DGKG: variants seen among roughly 807,000 people sequenced by gnomAD.
The protein encoded by DGKG is diacylglycerol kinase gamma.
A neutral mutation model predicts 105.3 loss-of-function variants in DGKG; 78 were observed. The ratio of observed to expected loss-of-function variants is 0.74; its 90% CI spans 0.62 to 0.89. DGKG has a LOEUF of 0.89. DGKG is among the 40% of genes least tolerant of loss of function. The pLI is 0.00. For missense variants in DGKG, 958 were observed against 1,020.1 expected (o/e 0.94, Z 0.83); for synonymous variants, 346 against 367.1 (o/e 0.94, Z 0.66).
chr3:186,188,183 A>T lies in DGKG; in HGVS notation c.2095+19T>A. 1.2e-6 allele frequency: 2 copies of T among 1,613,886 alleles called. No homozygotes were observed. The highest frequency in any genetic ancestry group is 1.7e-6 in the Non-Finnish European group (2 of 1,179,848). ...TACTGGGCATTGACCTAAAACAATT[A>T]TCCTCATTCCTGGCTTACCTTGAAC... On this transcript the variant is annotated intron_variant, in intron 22 of 24. Coordinates refer to ENST00000265022, the MANE Select transcript of DGKG (RefSeq NM_001346.3).
At chr3:186,232,430 T>A (rs1578699764) in intron 20 of DGKG, among the ~76,000 whole-genome samples, 1 of 152,352 alleles carries the variant, frequency 6.6e-6, no homozygotes, top group Admixed American at 6.5e-5. Flanking sequence ...TATGATTTTT[T>A]TTACAATGAG....
chr3:186,322,517 A>AC lies in DGKG; in HGVS notation c.-248-1811dup, dbSNP rs528417437. Reference sequence around the variant, plus strand: ...AGTGACAAAATAATCTGTACAGCAAACCCCCGTGACATGTGATTTACCCAT... The same window carrying AC: ...AGTGACAAAATAATCTGTACAGCAAACCCCCCGTGACATGTGATTTACCCAT... On this transcript the variant is annotated intron_variant, in intron 1 of 24. Transcript: ENST00000265022. 7.2e-5 allele frequency among the ~76,000 whole-genome samples: 11 copies of AC among 152,156 alleles called. No homozygotes were observed. In the South Asian group the frequency reaches 2.3e-3, roughly 32 times the overall value.
chr3:186,349,077 A>T (rs998779549), intron 1 of DGKG, among the ~76,000 whole-genome samples: 32 of 147,152 alleles, frequency 2.2e-4, no homozygotes, highest in Non-Finnish European at 3.5e-4. Context: ...AAATTAAATT[A>T]AAAAAAAAAA....
intron 1 of DGKG, among the ~76,000 whole-genome samples, chr3:186,349,275 G>A (rs1278641029): frequency 6.6e-6 from 1 of 151,976 alleles, no homozygotes; most frequent in African/African-American, 2.4e-5. Flanking sequence ...TTGAATAATA[G>A]CCTCCGTTTT....
intron 1 of DGKG, among the ~76,000 whole-genome samples, chr3:186,351,334 G>C (rs1726619974): frequency 6.6e-6 from 1 of 152,056 alleles, no homozygotes; most frequent in Non-Finnish European, 1.5e-5. Context: ...AAATGTGTAG[G>C]CTTCATTTTC....
At chr3:186,263,099 C>T (rs1011468622) in intron 14 of DGKG, among the ~76,000 whole-genome samples, 3 of 151,354 alleles carry the variant, frequency 2.0e-5, no homozygotes, top group Admixed American at 1.3e-4. Context: ...CGCACTCCAG[C>T]CTGGGCGACA....
intron 2 of DGKG, among the ~76,000 whole-genome samples, chr3:186,315,842 T>C (rs1724792898): frequency 6.6e-6 from 1 of 152,160 alleles, no homozygotes; most frequent in Non-Finnish European, 1.5e-5. Flanking sequence ...TTCCTCTACT[T>C]CACTGAATGT....
At chr3:186,185,818 C>T (rs369303159) in intron 22 of DGKG, among the ~76,000 whole-genome samples, 8 of 152,016 alleles carry the variant, frequency 5.3e-5, no homozygotes, top group South Asian at 4.2e-4. Flanking sequence ...CAACAGAGGC[C>T]GGGCATGGTT....
chr3:186,280,911 G>A (rs886929598), intron 7 of DGKG, among the ~76,000 whole-genome samples, 167 bp from the exon 8 acceptor site: 2 of 152,096 alleles, frequency 1.3e-5, no homozygotes, highest in African/African-American at 2.4e-5. Flanking sequence ...TTTCTGTCTC[G>A]ACCACAAAGC....
In DGKG at chr3:186,147,878, C is replaced by T; in HGVS notation, c.*2212G>A. ...GTAGTAATTCTGGAGCTTGTTGGTC[C>T]CATCACCAAGAATACCATCATTAAA... is the stretch of plus-strand genomic sequence containing the variant. On this transcript the variant is annotated 3_prime_UTR_variant, in exon 25 of 25. Coordinates refer to ENST00000265022, the MANE Select transcript of DGKG (RefSeq NM_001346.3). 1 of 985,364 alleles carries T rather than the reference C, an allele frequency of 1.0e-6. No individual in the cohort carries two copies. Among genetic ancestry groups the T allele is most frequent in the Non-Finnish European group, 1.2e-6 (1 of 829,926 alleles). 61.0% of individuals were successfully genotyped at this position (985,364 alleles called of 1,614,324 possible).
chr3:186,242,671 G>A, intron 19 of DGKG, 103 bp from the exon 20 acceptor site: 5 of 957,424 alleles, frequency 5.2e-6, no homozygotes, highest in Non-Finnish European at 7.8e-6. Context: ...TGCCAACCCT[G>A]GGACTCTATC....
At chr3:186,189,478 T>G (rs1717802771) in intron 21 of DGKG, among the ~76,000 whole-genome samples, 1 of 152,216 alleles carries the variant, frequency 6.6e-6, no homozygotes, top group Non-Finnish European at 1.5e-5. Context: ...AGCTAAGTTA[T>G]CCAAGCTTGC....
chr3:186,248,999 G>A (rs960131219), intron 19 of DGKG, among the ~76,000 whole-genome samples: 4 of 152,166 alleles, frequency 2.6e-5, no homozygotes, highest in Admixed American at 2.6e-4. Context: ...GTAATGATGG[G>A]AAGCCCACGC....
intron 1 of DGKG, among the ~76,000 whole-genome samples, chr3:186,347,022 C>T (rs1340301609): frequency 6.6e-6 from 1 of 151,940 alleles, no homozygotes; most frequent in Admixed American, 6.6e-5. Context: ...TAATATCACC[C>T]TCCTTTCTTT....
intron 17 of DGKG, among the ~76,000 whole-genome samples, chr3:186,256,638 A>G (rs923905010): frequency 6.6e-5 from 10 of 152,290 alleles, no homozygotes; most frequent in African/African-American, 1.2e-4. Context: ...AGAATGCCCT[A>G]TATGTCCTAG....
Position 186,203,195 on chromosome 3 carries a change from C to T in DGKG, c.1917+8600G>A, listed in dbSNP as rs1252313255. The stretch of plus-strand genomic sequence containing the variant: ...ATTCTAAGCATTAGTGAAGGAAACT[C>T]GTAGTCAGTGCACGACTGAAAGAGA... On this transcript the variant is annotated intron_variant, in intron 21 of 24. Coordinates refer to ENST00000265022, the MANE Select transcript of DGKG (RefSeq NM_001346.3). The surrounding 1 kb of genome is among the most constrained non-coding windows in gnomAD (Gnocchi z 4.9). Among the ~76,000 whole-genome samples, 45 of 152,190 alleles carry T rather than the reference C, an allele frequency of 3.0e-4. 1 individual carries two copies. The highest frequency in any genetic ancestry group is 2.8e-3 in the Admixed American group (43 of 15,276).
At chr3:186,158,286 A>G in intron 24 of DGKG, 1 of 824,504 alleles carries the variant, frequency 1.2e-6, no homozygotes, top group East Asian at 1.3e-4. Context: ...TATATGATGG[A>G]AGATTATGAG....
chr3:186,155,190 T>C (rs1344392962), intron 24 of DGKG, among the ~76,000 whole-genome samples: 2 of 152,110 alleles, frequency 1.3e-5, no homozygotes, highest in Non-Finnish European at 2.9e-5. Context: ...TTTTGTTTTG[T>C]TTTTGTTTTT....
intron 24 of DGKG, chr3:186,158,971 T>A: frequency 3.0e-6 from 1 of 332,164 alleles, no homozygotes; most frequent in Non-Finnish European, 4.3e-6. Flanking sequence ...TCTTTATACC[T>A]GATAAAGGAT....
Sources: allele counts gnomAD v4.1 joint callset (sites outside exome capture counted in the v4.1 genomes callset), GRCh38; gene constraint gnomAD v4.1.1; non-coding constraint Gnocchi (gnomAD v3.1); transcripts MANE v1.5; gene names NCBI Gene and HGNC (gene_info 2026-07-23, HGNC 2026-07-21).